Variants in PODXL observed in about 807,000 individuals in gnomAD.
PODXL encodes podocalyxin like, also known as podocalyxin.
In PODXL, 20 loss-of-function variants were observed where a neutral mutation model predicts 48.9. The observed-to-expected ratio is 0.41, with a 90% CI of 0.29 to 0.59. PODXL has a LOEUF of 0.59. Among genes scored for constraint, PODXL ranks in the 20% least tolerant of loss-of-function variants. The probability of loss-of-function intolerance (pLI) is 0.31; values close to 1 mark genes in which losing one functional copy is unlikely to be tolerated. For synonymous variants in PODXL, 295 were observed against 287.4 expected, an observed-to-expected ratio of 1.03 and a Z score of -0.27; for missense variants, 606 against 675.1, an observed-to-expected ratio of 0.90 and a Z score of 1.13.
In PODXL at chr7:131,511,212, C is replaced by A; in HGVS notation, c.322G>T (p.Ala108Ser). The change falls in exon 2 of 9, where the codon GCT becomes TCT. Residue 108 changes from alanine (A) to serine (S), a missense_variant. Coordinates refer to ENST00000378555, the MANE Select transcript of PODXL (RefSeq NM_001018111.3). ...GGGTTGCCTGAGCCGCCTCCTCTAGCCACGGTAGTGTTGACTGGGCCTGAG... is the reference window on the plus strand; with the variant it reads ...GGGTTGCCTGAGCCGCCTCCTCTAGACACGGTAGTGTTGACTGGGCCTGAG... ...QVSGPVNTTV[A>S]RGGGSGNPTT... is the part of the protein sequence containing the mutation. 6.2e-7 allele frequency: 1 copy of A among 1,614,070 alleles called. No homozygotes were observed. The highest frequency in any genetic ancestry group is 1.1e-5 in the South Asian group (1 of 91,058).
intron 1 of PODXL, among the ~76,000 whole-genome samples, chr7:131,521,157 CAA>C (rs35374057): frequency 2.2e-5 from 3 of 134,804 alleles, no homozygotes; most frequent in Non-Finnish European, 3.1e-5. Flanking sequence ...GACTCCATCT[CAA>C]AAAAAAAAAA....
At position 131,506,112 on chromosome 7, in the gene PODXL, C is replaced by T. The variant is rs749799430; in HGVS notation, c.1312-77G>A. 101 of 1,555,702 alleles carry T rather than the reference C, an allele frequency of 6.5e-5. 1 individual carries two copies. The Middle Eastern group carries it at 3.0e-3, about 47-fold the overall frequency. ...CCCCGGCTTCACTGTAGAGCCCCTC[C>T]GCTTGCAGTCTGCTAGGGTCCGTGC... On this transcript the variant is annotated intron_variant, in intron 7 of 8. Coordinates refer to ENST00000378555, the MANE Select transcript of PODXL (RefSeq NM_001018111.3).
intron 6 of PODXL, 107 bp from the exon 7 acceptor site, chr7:131,506,428 GTC>G: frequency 4.2e-6 from 6 of 1,443,408 alleles, no homozygotes; most frequent in Non-Finnish European, 5.8e-6. Flanking sequence ...TCTCCTGAGT[GTC>G]TCTCGGGTGA....
intron 5 of PODXL, among the ~76,000 whole-genome samples, chr7:131,507,400 T>C (rs1215897898): frequency 1.3e-5 from 2 of 152,162 alleles, no homozygotes; most frequent in Non-Finnish European, 2.9e-5. Flanking sequence ...GTGGCTGACG[T>C]GGCTTTAGAG....
intron 1 of PODXL, among the ~76,000 whole-genome samples, chr7:131,550,706 A>T (rs917564829): frequency 2.6e-5 from 4 of 152,110 alleles, no homozygotes; most frequent in Non-Finnish European, 5.9e-5. Flanking sequence ...CCCAGGAGGG[A>T]ATCAGCACTG....
Position 131,511,155 on chromosome 7 carries a change from T to C in PODXL, c.379A>G (p.Lys127Glu). The C allele has an allele frequency of 6.2e-7, 1 of 1,614,086 alleles. No individual in the cohort carries two copies. The highest frequency in any genetic ancestry group is 1.3e-5 in the African/African-American group (1 of 75,004). The change falls in exon 2 of 9, where the codon AAA becomes GAA. Residue 127 changes from lysine to glutamate, a missense_variant. By Grantham distance (56) the Lys-to-Glu change is moderately conservative. Transcript: ENST00000378555. ...GCAACTGTAGTGGTGTCTGCACTTT[T>C]TGTGCTCTTGGGGCTCTCGATGGTG... The part of the protein sequence containing the change: ...TTTIESPKST[K>E]SADTTTVATS...
chr7:131,547,063 T>G (rs1224390291), intron 1 of PODXL, among the ~76,000 whole-genome samples: 1 of 152,172 alleles, frequency 6.6e-6, no homozygotes, highest in African/African-American at 2.4e-5. Context: ...GGGCTAGGGC[T>G]GACGCCAATA....
chr7:131,508,857 T>TA, intron 5 of PODXL, 94 bp downstream of exon 5: 1 of 939,570 alleles, frequency 1.1e-6, no homozygotes, highest in Non-Finnish European at 1.8e-6. Flanking sequence ...GAAAGATGTT[T>TA]AAAAATGCAC....
rs565616947 is a variant in PODXL, at chr7:131,506,220, T to A, written c.1311+40A>T. 7 of 1,606,616 alleles carry A rather than the reference T, an allele frequency of 4.4e-6. No homozygotes were observed. The Admixed American group carries it at 5.0e-5, about 11-fold the overall frequency. ...AGTAACCAGACCTCCCACAAGGGGC[T>A]TCGGAGCCACTCTGTCCCCACACTT... On this transcript the variant is annotated intron_variant, in intron 7 of 8. Transcript: ENST00000378555.
At chr7:131,505,468 G>A (rs954491038) in intron 8 of PODXL, among the ~76,000 whole-genome samples, 32 of 151,998 alleles carry the variant, frequency 2.1e-4, no homozygotes, top group Non-Finnish European at 4.4e-4. Flanking sequence ...CCAACATGGC[G>A]AAACCCCATC....
Position 131,504,459 on chromosome 7 carries a change from T to C in PODXL, c.1529A>G (p.Asn510Ser), listed in dbSNP as rs1334728659. 6.2e-7 allele frequency: 1 copy of C among 1,614,012 alleles called. No individual in the cohort carries two copies. The highest frequency in any genetic ancestry group is 1.3e-5 in the African/African-American group (1 of 74,928). ...LQTVENGYHD[N>S]PTLEVMETSS... ...GGTCTCCATCACTTCCAGTGTTGGG[T>C]TGTCATGGTAACCATTCTCCACTGT... Residue 510 changes from asparagine (N) to serine (S), a missense_variant, in exon 9 of 9, where the codon AAC (asparagine) becomes AGC (serine). Physicochemically the swap from Asn to Ser is conservative, Grantham distance 46. Coordinates refer to ENST00000378555, the MANE Select transcript of PODXL (RefSeq NM_001018111.3).
intron 8 of PODXL, 33 bp from the exon 9 acceptor site, chr7:131,504,541 G>T (rs567009691): frequency 1.3e-5 from 20 of 1,580,154 alleles, no homozygotes; most frequent in Middle Eastern, 3.4e-4. Flanking sequence ...TGAGAAGGGG[G>T]TTTCAGAGGG....
intron 1 of PODXL, among the ~76,000 whole-genome samples, chr7:131,524,370 A>ACG (rs796972068): frequency 0.41 from 44,908 of 108,556 alleles, 10,932 homozygotes; most frequent in East Asian, 0.52. Context: ...ACGCACACAC[A>ACG]CACACACACA....
rs1310665305 is a variant in PODXL at position 131,511,382 on chromosome 7, G to A, written c.152C>T (p.Ser51Phe). ...ATCTGTAGCCATGATGGTGACACTGGATGCTGGAGTCGGTGCTGTTTTGTT... is the reference window on the plus strand; with the variant it reads ...ATCTGTAGCCATGATGGTGACACTGAATGCTGGAGTCGGTGCTGTTTTGTT... The part of the protein sequence containing the change: ...SSNKTAPTPA[S>F]SVTIMATDTA... Residue 51 changes from serine (S) to phenylalanine (F), a missense_variant, in exon 2 of 9, where the codon TCC becomes TTC. Coordinates refer to ENST00000378555, the MANE Select transcript of PODXL (RefSeq NM_001018111.3). 6.2e-7 allele frequency: 1 copy of A among 1,606,776 alleles called. No individual in the cohort carries two copies. The highest frequency in any genetic ancestry group is 8.5e-7 in the Non-Finnish European group (1 of 1,179,890).
chr7:131,536,660 C>T (rs1232700897), intron 1 of PODXL, among the ~76,000 whole-genome samples: 2 of 152,290 alleles, frequency 1.3e-5, no homozygotes, highest in Non-Finnish European at 2.9e-5. Flanking sequence ...AGCGCCCCTC[C>T]CCCTGGGAGG....
At chr7:131,554,807 C>T (rs1798718747) in intron 1 of PODXL, among the ~76,000 whole-genome samples, 1 of 152,118 alleles carries the variant, frequency 6.6e-6, no homozygotes, top group East Asian at 1.9e-4. Context: ...ACAAAAGGTT[C>T]GTATGAAGGC....
intron 1 of PODXL, chr7:131,520,074 C>T (rs916869114): frequency 1.4e-4 from 26 of 186,952 alleles, no homozygotes; most frequent in South Asian, 6.7e-4. Context: ...TCAAGGAAAA[C>T]GGAAATAATC....
rs56367324 is a variant in PODXL, at chr7:131,510,335, GAA to G, written c.707-6_707-5del. Reference sequence around the variant, plus strand: ...ACATGGTGAAACACTGTCTCTACTTGAAAAAAAAAAAAAAAAAAAAAAAAAAA... The same window carrying G: ...ACATGGTGAAACACTGTCTCTACTTGAAAAAAAAAAAAAAAAAAAAAAAAA... On this transcript the variant is annotated splice_region_variant and splice_polypyrimidine_tract_variant and intron_variant, in intron 2 of 8. Transcript: ENST00000378555. The G allele has an allele frequency of 0.036, 2,878 of 79,794 alleles. 110 individuals carry two copies. The highest frequency in any genetic ancestry group is 0.043 in the Non-Finnish European group (1,991 of 46,734). The allele number at this position is 79,794 out of a possible 1,614,324, so 4.9% of individuals were successfully genotyped here. A position where few individuals can be genotyped will look rare whatever the true frequency, so the allele number is the denominator to read the frequency against.
chr7:131,509,283 G>T, intron 4 of PODXL, 82 bp downstream of exon 4: 1 of 1,148,148 alleles, frequency 8.7e-7, no homozygotes, highest in Non-Finnish European at 1.3e-6. Context: ...CTGCGTTGGA[G>T]GAAAGAACAG....
Sources: gnomAD v4.1 joint callset for allele counts (sites outside exome capture counted in the v4.1 genomes callset) on GRCh38, gnomAD v4.1.1 for gene constraint, MANE v1.5 for transcripts, NCBI Gene and HGNC (gene_info 2026-07-23, HGNC 2026-07-21) for gene names.